The following CHI3L1 variants were observed in gnomAD, a reference collection of about 807,000 sequenced individuals.
The protein encoded by CHI3L1 is chitinase-3-like protein 1.
Under a neutral mutation model 40.7 loss-of-function variants are expected in CHI3L1, and 30 were observed. The ratio of observed to expected loss-of-function variants is 0.74; its 90% CI spans 0.55 to 1.00. CHI3L1 has a LOEUF of 1.00. CHI3L1 is among the 50% of genes least tolerant of loss of function. The probability of loss-of-function intolerance (pLI) is 0.00; values close to 1 mark genes in which losing one functional copy is unlikely to be tolerated. For synonymous variants in CHI3L1, 210 were observed against 192.1 expected (o/e 1.09, Z -0.77); for missense variants, 493 against 492.2 (o/e 1.00, Z -0.01).
intron 7 of CHI3L1, 99 bp from the exon 8 acceptor site, chr1:203,180,751 G>C (rs1655919115): frequency 6.1e-6 from 5 of 817,588 alleles, no homozygotes; most frequent in Non-Finnish European, 9.6e-6. Flanking sequence ...ATTGGTGTAT[G>C]GTGCACTGGG....
rs746146575 is a variant in CHI3L1 at position 203,179,485 on chromosome 1, G to A, written c.1112C>T (p.Pro371Leu). 6 of 1,565,728 alleles carry A rather than the reference G, an allele frequency of 3.8e-6. No individual in the cohort carries two copies. Among genetic ancestry groups the A allele is most frequent in the African/African-American group, 1.4e-5 (1 of 73,422 alleles). The change falls in exon 10 of 10, where the codon CCT becomes CTT. Residue 371 changes from proline (P) to leucine (L), a missense_variant. Transcript: ENST00000255409. Reference sequence around the variant, plus strand: ...TGCATCCTTGATGGCATTGGTGAGAGGGAAGCGCAGATCCTGGCCACAGAA... The same window carrying A: ...TGCATCCTTGATGGCATTGGTGAGAAGGAAGCGCAGATCCTGGCCACAGAA... ...GSFCGQDLRF[P>L]LTNAIKDALA... is the part of the protein sequence containing the mutation.
chr1:203,181,692 G>C (rs1338996281), intron 6 of CHI3L1: 1 of 177,954 alleles, frequency 5.6e-6, no homozygotes. Context: ...AGCCAGACAG[G>C]CCACTAGCCC....
intron 4 of CHI3L1, among the ~76,000 whole-genome samples, 178 bp downstream of exon 4, chr1:203,184,398 T>C (rs913429037): frequency 3.9e-5 from 6 of 152,156 alleles, no homozygotes; most frequent in African/African-American, 1.4e-4. Flanking sequence ...AGTCCTGCTC[T>C]CTCTCTGGGC....
Position 203,180,460 on chromosome 1 carries a change from A to T in CHI3L1, c.894+10T>A, listed in dbSNP as rs200906941. On this transcript the variant is annotated intron_variant, in intron 8 of 9. Transcript: ENST00000255409. Reference sequence around the variant, plus strand: ...GTGGGGGAATCCTACCTTCTCCCCAACTCCATTACCTCATAGTAGGCAAGG... The same window carrying T: ...GTGGGGGAATCCTACCTTCTCCCCATCTCCATTACCTCATAGTAGGCAAGG... The T allele has an allele frequency of 6.5e-7, 1 of 1,546,654 alleles. No individual in the cohort carries two copies. Among genetic ancestry groups the T allele is most frequent in the African/African-American group, 1.4e-5 (1 of 71,224 alleles).
rs1488877654 is a variant in CHI3L1, at chr1:203,179,743, G to A, written c.1011+18C>T. ...CTTCTTTCTCTTTGTCCTGAGGTGT[G>A]GCCTTGGGGAAACCTACCTTGCTTT... On this transcript the variant is annotated intron_variant, in intron 9 of 9. Transcript: ENST00000255409. The A allele has an allele frequency of 6.2e-7, 1 of 1,614,164 alleles. No individual in the cohort carries two copies. Among genetic ancestry groups the A allele is most frequent in the Non-Finnish European group, 8.5e-7 (1 of 1,180,020 alleles).
chr1:203,182,503 C>T (rs1655956855), intron 6 of CHI3L1, among the ~76,000 whole-genome samples: 2 of 152,178 alleles, frequency 1.3e-5, no homozygotes, highest in Admixed American at 1.3e-4. Context: ...GCCAACAGCC[C>T]AGGTGAAAAA....
At chr1:203,186,261 C>T (rs1460533244) in intron 2 of CHI3L1, 55 bp downstream of exon 2, 17 of 1,549,572 alleles carry the variant, frequency 1.1e-5, no homozygotes, top group East Asian at 2.4e-5. Flanking sequence ...CCACACCTGC[C>T]CTGTGCCCTC....
chr1:203,184,597 C>A lies in CHI3L1; in HGVS notation c.293G>T (p.Gly98Val). 6.2e-7 allele frequency: 1 copy of A among 1,614,066 alleles called. No homozygotes were observed. Among genetic ancestry groups the A allele is most frequent in the Non-Finnish European group, 8.5e-7 (1 of 1,179,958 alleles). ...CTACCTTTGAGACCCAAAGTTCCAT[C>A]CTCCGACAGACAAGAGAGTCTTCAG... ...PNLKTLLSVG[G>V]WNFGSQRFSK... The change falls in exon 4 of 10, where the codon GGA becomes GTA. Residue 98 changes from glycine to valine, a missense_variant. By Grantham distance (109) the Gly-to-Val change is moderately radical (BLOSUM62 -3). Coordinates refer to ENST00000255409, the MANE Select transcript of CHI3L1 (RefSeq NM_001276.4).
At chr1:203,181,417 T>C in intron 6 of CHI3L1, 132 bp from the exon 7 acceptor site, 1 of 925,076 alleles carries the variant, frequency 1.1e-6, no homozygotes, top group African/African-American at 1.7e-5. Flanking sequence ...GGTGAGGAGT[T>C]CAAGACCAGC....
intron 3 of CHI3L1, 39 bp from the exon 4 acceptor site, chr1:203,184,671 T>C (rs900597466): frequency 6.3e-7 from 1 of 1,574,966 alleles, no homozygotes; most frequent in Non-Finnish European, 8.7e-7. Context: ...AGGAGTGGAA[T>C]GACATTGTCA....
In CHI3L1 at chr1:203,186,662, CCT is replaced by C; in HGVS notation, c.-41_-40del. 1 of 1,613,842 alleles carries C rather than the reference CCT, an allele frequency of 6.2e-7. No homozygotes were observed. Among genetic ancestry groups the C allele is most frequent in the Non-Finnish European group, 8.5e-7 (1 of 1,179,910 alleles). On this transcript the variant is annotated 5_prime_UTR_variant, in exon 1 of 10. Coordinates refer to ENST00000255409, the MANE Select transcript of CHI3L1 (RefSeq NM_001276.4). ...GAGCAGGGCAGGGTGTGGCCTCTTC[CCT>C]TGCCCACGGCTCCTGGTGCCAGCTA...
At chr1:203,180,044 AG>A in intron 8 of CHI3L1, 167 bp from the exon 9 acceptor site, 1 of 645,420 alleles carries the variant, frequency 1.5e-6, no homozygotes, top group Non-Finnish European at 2.7e-6. Flanking sequence ...TACAAACCAG[AG>A]GCAAATGACC....
chr1:203,185,065 C>G (rs982865353), intron 3 of CHI3L1, 119 bp downstream of exon 3: 1 of 818,402 alleles, frequency 1.2e-6, no homozygotes, highest in Non-Finnish European at 2.0e-6. Context: ...AGCCAAGCCC[C>G]TCTAACTCTC....
chr1:203,179,900 G>A (rs373066176), intron 8 of CHI3L1, 23 bp from the exon 9 acceptor site: 46 of 1,610,964 alleles, frequency 2.9e-5, no homozygotes, highest in Admixed American at 1.8e-4. Flanking sequence ...CAGGGAAAAG[G>A]CAGTGTGGGG....
chr1:203,181,357 T>G, intron 6 of CHI3L1, 72 bp from the exon 7 acceptor site: 4 of 1,539,930 alleles, frequency 2.6e-6, no homozygotes, highest in Non-Finnish European at 3.5e-6. Context: ...GCGTGGTGGC[T>G]CATACCTGGA....
intron 3 of CHI3L1, 77 bp from the exon 4 acceptor site, chr1:203,184,709 G>T: frequency 7.9e-7 from 1 of 1,262,144 alleles, no homozygotes; most frequent in Non-Finnish European, 1.2e-6. Context: ...ATGTCTGAGA[G>T]GCCATAGAAG....
chr1:203,185,087 G>A, intron 3 of CHI3L1, 97 bp downstream of exon 3: 3 of 973,536 alleles, frequency 3.1e-6, no homozygotes, highest in Non-Finnish European at 4.9e-6. Context: ...AAACATAGGT[G>A]AGCAGGGTGG....
At chr1:203,179,942 G>A in intron 8 of CHI3L1, 65 bp from the exon 9 acceptor site, 1 of 1,458,730 alleles carries the variant, frequency 6.9e-7, no homozygotes, top group South Asian at 1.2e-5. Flanking sequence ...GTCACCAGGA[G>A]ACGCCACTCT....
At position 203,179,812 on chromosome 1, in the gene CHI3L1, G is replaced by A; in HGVS notation, c.960C>T (p.Thr320=). ...CGTATCCTACCCACTGGTTGCCCTTGGTGGCATAGGGGACCTGCTGGCCGA... is the reference window on the plus strand; with the variant it reads ...CGTATCCTACCCACTGGTTGCCCTTAGTGGCATAGGGGACCTGCTGGCCGA... ...RILGQQVPYA[T]KGNQWVGYDD... Residue 320 remains threonine (T), a synonymous_variant, in exon 9 of 10, where the codon ACC becomes ACT. Transcript: ENST00000255409. The A allele has an allele frequency of 3.7e-6, 6 of 1,614,192 alleles. No homozygotes were observed. The highest frequency in any genetic ancestry group is 5.1e-6 in the Non-Finnish European group (6 of 1,180,016).
Sources: allele counts gnomAD v4.1 joint callset (sites outside exome capture counted in the v4.1 genomes callset), GRCh38; gene constraint gnomAD v4.1.1; transcripts MANE v1.5; gene names NCBI Gene and HGNC (gene_info 2026-07-23, HGNC 2026-07-21).